LIMS1: variants seen among roughly 807,000 people sequenced by gnomAD.
The protein encoded by LIMS1 is LIM zinc finger domain containing 1.
Under a neutral mutation model 44.1 loss-of-function variants are expected in LIMS1, and 18 were observed. The observed-to-expected ratio is 0.41, with a 90% confidence interval of 0.28 to 0.61. The LOEUF (loss-of-function observed/expected upper bound fraction) is 0.61. Ranked by LOEUF, LIMS1 falls within the 20% of genes least tolerant of loss-of-function variation. The probability of loss-of-function intolerance (pLI) is 0.32; values close to 1 mark genes in which losing one functional copy is unlikely to be tolerated. For missense variants in LIMS1, 201 were observed against 422.0 expected (o/e 0.48, Z 4.59); for synonymous variants, 93 against 149.1 (o/e 0.62, Z 2.74).
At chr2:108,667,858 A>G (rs1250406832) in intron 2 of LIMS1, among the ~76,000 whole-genome samples, 1 of 152,136 alleles carries the variant, frequency 6.6e-6, no homozygotes, top group Non-Finnish European at 1.5e-5. Context: ...TTATCTCTAG[A>G]TTACTTAAAC....
intron 1 of LIMS1, among the ~76,000 whole-genome samples, chr2:108,549,262 G>A (rs1394281428): frequency 4.8e-4 from 60 of 124,286 alleles, no homozygotes; most frequent in Non-Finnish European, 5.0e-5. Context: ...CAATAATAAT[G>A]TACAAGTAAA....
At chr2:108,549,177 T>C (rs1353462874) in intron 1 of LIMS1, among the ~76,000 whole-genome samples, 2 of 151,776 alleles carry the variant, frequency 1.3e-5, no homozygotes, top group Non-Finnish European at 2.9e-5. Flanking sequence ...TTTGGTTTAG[T>C]GAAGTATATT....
At chr2:108,535,181 C>T (rs945905993) in intron 1 of LIMS1, among the ~76,000 whole-genome samples, 1 of 152,202 alleles carries the variant, frequency 6.6e-6, no homozygotes, top group Non-Finnish European at 1.5e-5. Flanking sequence ...CTACGTTCTC[C>T]CATCTCCTTT....
chr2:108,637,713 G>A (rs751037110), intron 1 of LIMS1, among the ~76,000 whole-genome samples: 2 of 152,136 alleles, frequency 1.3e-5, no homozygotes, highest in African/African-American at 4.8e-5. Context: ...GTGTGAGAAT[G>A]TATGTTAATG....
intron 2 of LIMS1, chr2:108,662,755 A>T: frequency 1.1e-6 from 1 of 927,720 alleles, no homozygotes; most frequent in Non-Finnish European, 1.3e-6. Flanking sequence ...TTGGGACATG[A>T]CTGATGTGCT....
In LIMS1 at chr2:108,683,866, TATAA is replaced by T. The variant is rs1573638079; in HGVS notation, c.900-18_900-15del. The T allele has an allele frequency of 7.5e-7, 1 of 1,330,546 alleles. No individual in the cohort carries two copies. Among genetic ancestry groups the T allele is most frequent in the Non-Finnish European group, 1.0e-6 (1 of 954,368 alleles). The allele number at this position is 1,330,546 out of a possible 1,614,324, so 82.4% of individuals were successfully genotyped here. ...ATGTTTCCACTAACTTCTTTTTTTT[TATAA>T]TTTTTTGTCTTTAGGAATAAGTTTG... On this transcript the variant is annotated splice_polypyrimidine_tract_variant and intron_variant, in intron 9 of 9. Coordinates refer to ENST00000544547, the Ensembl canonical transcript of LIMS1.
intron 1 of LIMS1, among the ~76,000 whole-genome samples, chr2:108,612,025 C>T (rs1340607110): frequency 0.061 from 4,687 of 77,420 alleles, 185 homozygotes; most frequent in South Asian, 0.16. Context: ...TATACACACA[C>T]ATATACACAC....
In LIMS1 at chr2:108,659,405, C is replaced by G. The variant is rs201658313; in HGVS notation, c.33-200C>G. 4.6e-5 allele frequency among the ~76,000 whole-genome samples: 7 copies of G among 152,294 alleles called. No homozygotes were observed. In the East Asian group the frequency reaches 9.6e-4, roughly 21 times the overall value. ...ACAGAATCAAAGTGGGACACCCTTACAGAGCCTCAGATGCTACGGTAAAGA... is the reference window on the plus strand; with the variant it reads ...ACAGAATCAAAGTGGGACACCCTTAGAGAGCCTCAGATGCTACGGTAAAGA... On this transcript the variant is annotated intron_variant, in intron 1 of 9. Coordinates refer to ENST00000544547, the Ensembl canonical transcript of LIMS1.
At chr2:108,554,146 G>T (rs998348933) in intron 1 of LIMS1, among the ~76,000 whole-genome samples, 1 of 152,142 alleles carries the variant, frequency 6.6e-6, no homozygotes, top group East Asian at 1.9e-4. Flanking sequence ...GGAACACCTT[G>T]TTATTCTGAA....
exon 1 of LIMS1, chr2:108,534,421 C>G (rs1425932020): frequency 7.9e-6 from 4 of 503,976 alleles, no homozygotes; most frequent in Non-Finnish European, 1.1e-5. Context: ...TCCCGCGCCC[C>G]CGCGCGGCCG....
At chr2:108,666,165 C>G (rs1270464025) in intron 2 of LIMS1, among the ~76,000 whole-genome samples, 1 of 152,196 alleles carries the variant, frequency 6.6e-6, no homozygotes, top group African/African-American at 2.4e-5. Context: ...CCTTCTGATG[C>G]CAACTGAAAG....
chr2:108,624,523 G>A (rs1294674391), intron 1 of LIMS1, among the ~76,000 whole-genome samples: 2 of 152,158 alleles, frequency 1.3e-5, no homozygotes, highest in Admixed American at 6.5e-5. Flanking sequence ...TTGGGAGGCC[G>A]AGGCAGGCGG....
intron 1 of LIMS1, among the ~76,000 whole-genome samples, chr2:108,615,754 T>C (rs1051984407): frequency 1.3e-5 from 2 of 152,196 alleles, no homozygotes; most frequent in African/African-American, 4.8e-5. Flanking sequence ...CAGGGAGTCA[T>C]GTTGCACAGG....
At chr2:108,659,621 C>T (rs1303187326) in exon 2 of LIMS1, 1 of 1,612,010 alleles carries the variant, frequency 6.2e-7, no homozygotes, top group South Asian at 1.1e-5. Context: ...GGCCAACGCC[C>T]TGGCCAGCGC....
chr2:108,538,627 C>T (rs1202779716), intron 1 of LIMS1, among the ~76,000 whole-genome samples: 2 of 152,196 alleles, frequency 1.3e-5, no homozygotes, highest in Non-Finnish European at 2.9e-5. Context: ...GTAATGTTTA[C>T]ACATACTTTC....
At chr2:108,630,205 A>G in intron 1 of LIMS1, among the ~76,000 whole-genome samples, 1 of 151,420 alleles carries the variant, frequency 6.6e-6, no homozygotes, top group Admixed American at 6.6e-5. Flanking sequence ...AAAAAAAAAA[A>G]AAAAAAAAAA....
intron 5 of LIMS1, among the ~76,000 whole-genome samples, chr2:108,675,631 G>T (rs542760422): frequency 2.0e-5 from 3 of 152,276 alleles, no homozygotes; most frequent in African/African-American, 7.2e-5. Flanking sequence ...AATATGACTG[G>T]TGTGGTGGTA....
At chr2:108,551,953 G>GTGTGTATATATA (rs56703030) in intron 1 of LIMS1, among the ~76,000 whole-genome samples, 2 of 85,326 alleles carry the variant, frequency 2.3e-5, no homozygotes, top group African/African-American at 6.8e-5. Context: ...GTGTGTGTGT[G>GTGTGTATATATA]TATATATATA....
intron 1 of LIMS1, among the ~76,000 whole-genome samples, chr2:108,560,571 C>T (rs1192299788): frequency 6.6e-6 from 1 of 152,048 alleles, no homozygotes; most frequent in Non-Finnish European, 1.5e-5. Flanking sequence ...TCCTCCGTAA[C>T]TGTCCTATCA....
Sources: allele counts gnomAD v4.1 joint callset (sites outside exome capture counted in the v4.1 genomes callset), GRCh38; gene constraint gnomAD v4.1.1; transcripts MANE v1.5; gene names NCBI Gene and HGNC (gene_info 2026-07-23, HGNC 2026-07-21).